Variants in LINGO2 observed in about 807,000 individuals in gnomAD.
LINGO2 encodes leucine rich repeat and Ig domain containing 2, also known as leucine-rich repeat and immunoglobulin-like domain-containing nogo receptor-interacting protein 2.
LINGO2 carries 14 observed loss-of-function variants against 30.6 expected under a neutral mutation model. The ratio of observed to expected loss-of-function variants is 0.46; its 90% confidence interval spans 0.30 to 0.72. The LOEUF (loss-of-function observed/expected upper bound fraction) is 0.72. Among genes scored for constraint, LINGO2 ranks in the 30% least tolerant of loss-of-function variants. LINGO2 has a pLI of 0.07. For missense variants in LINGO2, 729 were observed against 751.7 expected (o/e 0.97, Z 0.35); for synonymous variants, 317 against 288.5 (o/e 1.10, Z -1.00).
the LINGO2 span, among the ~76,000 whole-genome samples, chr9:29,016,036 T>C: frequency 6.6e-6 from 1 of 152,184 alleles, no homozygotes; most frequent in Non-Finnish European, 1.5e-5. Context: ...TCCTTAATAT[T>C]GTGCCTTGCT....
intron 4 of LINGO2, among the ~76,000 whole-genome samples, chr9:28,169,812 A>G (rs867431132): frequency 6.6e-6 from 1 of 152,330 alleles, no homozygotes; most frequent in Middle Eastern, 3.4e-3. Context: ...GAGAAAGAGT[A>G]GCTTAAACTT....
At chr9:29,170,178 T>A in the LINGO2 span, among the ~76,000 whole-genome samples, 2 of 152,112 alleles carry the variant, frequency 1.3e-5, no homozygotes, top group African/African-American at 4.8e-5. Flanking sequence ...CTATTCACAA[T>A]AACAAAGTCA....
intron 2 of LINGO2, among the ~76,000 whole-genome samples, chr9:28,420,494 A>G (rs1005569796): frequency 7.9e-5 from 12 of 152,182 alleles, no homozygotes; most frequent in African/African-American, 2.9e-4. Context: ...CATCTATTGT[A>G]CAAACACATT....
chr9:28,587,980 G>A (rs556180638), intron 1 of LINGO2, among the ~76,000 whole-genome samples: 18 of 152,070 alleles, frequency 1.2e-4, no homozygotes, highest in Non-Finnish European at 2.4e-4. Flanking sequence ...GGCTGGCCAC[G>A]TATCCATGGA....
chr9:28,636,045 C>A (rs823767), intron 1 of LINGO2, among the ~76,000 whole-genome samples: 151,254 of 152,114 alleles, frequency 0.99, 75,203 homozygotes, highest in East Asian at 1. Context: ...TCATTGTTCA[C>A]TTCCCACCTA....
chr9:29,065,623 A>G, the LINGO2 span, among the ~76,000 whole-genome samples: 1 of 151,958 alleles, frequency 6.6e-6, no homozygotes, highest in Non-Finnish European at 1.5e-5. Context: ...TTACATGACT[A>G]GTTAATACAG....
At chr9:29,104,759 A>T in the LINGO2 span, among the ~76,000 whole-genome samples, 474 of 152,294 alleles carry the variant, frequency 3.1e-3, 12 homozygotes, top group Admixed American at 0.028. Flanking sequence ...TCTACATCTT[A>T]AAAACTTCTA....
At chr9:29,079,921 AC>A in the LINGO2 span, among the ~76,000 whole-genome samples, 1 of 152,236 alleles carries the variant, frequency 6.6e-6, no homozygotes, top group Admixed American at 6.6e-5. Context: ...GTAATAAACA[AC>A]TTACAAACAT....
intron 2 of LINGO2, among the ~76,000 whole-genome samples, chr9:28,438,932 A>T (rs1046375701): frequency 1.3e-4 from 17 of 128,500 alleles, no homozygotes; most frequent in Non-Finnish European, 2.1e-4. Flanking sequence ...ATATCTATAC[A>T]TTATATATAA....
intron 5 of LINGO2, among the ~76,000 whole-genome samples, chr9:27,958,781 T>C (rs1394955117): frequency 6.6e-6 from 1 of 152,160 alleles, no homozygotes; most frequent in Non-Finnish European, 1.5e-5. Flanking sequence ...GGGGGACTAC[T>C]GCAATACAGT....
chr9:28,307,653 G>T (rs1809400734), intron 3 of LINGO2, among the ~76,000 whole-genome samples: 1 of 152,262 alleles, frequency 6.6e-6, no homozygotes, highest in East Asian at 1.9e-4. Context: ...CCTGTTTGCA[G>T]ATGACATGAT....
At chr9:29,091,695 G>A in the LINGO2 span, among the ~76,000 whole-genome samples, 3 of 151,944 alleles carry the variant, frequency 2.0e-5, no homozygotes, top group Admixed American at 2.0e-4. Context: ...AGAAATTACT[G>A]TTCTCCCCAA....
At chr9:29,015,470 C>G in the LINGO2 span, among the ~76,000 whole-genome samples, 1 of 152,056 alleles carries the variant, frequency 6.6e-6, no homozygotes, top group African/African-American at 2.4e-5. Context: ...TACAACCACT[C>G]AATTCAGCCA....
At chr9:28,264,224 G>T (rs1458687806) in intron 4 of LINGO2, among the ~76,000 whole-genome samples, 1 of 151,622 alleles carries the variant, frequency 6.6e-6, no homozygotes, top group Admixed American at 6.6e-5. Context: ...CATATTTTTC[G>T]CTACGCCCTC....
intron 3 of LINGO2, among the ~76,000 whole-genome samples, chr9:28,350,464 T>C (rs1385103732): frequency 6.7e-6 from 1 of 149,396 alleles, no homozygotes; most frequent in East Asian, 2.0e-4. Context: ...CCTAAATATA[T>C]ATGCACCCAA....
chr9:28,506,279 G>A lies in LINGO2; in HGVS notation c.-364-30254C>T, dbSNP rs191645100. On this transcript the variant is annotated intron_variant, in intron 1 of 5. Coordinates refer to ENST00000379992, the Ensembl canonical transcript of LINGO2. Reference sequence around the variant, plus strand: ...CTCAAGTTCTTCATTTGTAAGATGTGAATATTATACTCTATTTGACGATGT... The same window carrying A: ...CTCAAGTTCTTCATTTGTAAGATGTAAATATTATACTCTATTTGACGATGT... Among the ~76,000 whole-genome samples the A allele has an allele frequency of 2.8e-4, 42 of 150,796 alleles. No individual in the cohort carries two copies. In the East Asian group the frequency reaches 3.9e-3, roughly 14 times the overall value.
At chr9:29,002,561 G>A in the LINGO2 span, among the ~76,000 whole-genome samples, 4 of 152,104 alleles carry the variant, frequency 2.6e-5, no homozygotes, top group East Asian at 1.9e-4. Flanking sequence ...GATATAGCTC[G>A]TAACACTTTG....
the LINGO2 span, among the ~76,000 whole-genome samples, chr9:28,806,284 C>A: frequency 6.6e-6 from 1 of 152,138 alleles, no homozygotes; most frequent in African/African-American, 2.4e-5. Context: ...TAAAAATAAA[C>A]CACAAAGATA....
At chr9:28,793,497 C>T in the LINGO2 span, among the ~76,000 whole-genome samples, 1 of 152,152 alleles carries the variant, frequency 6.6e-6, no homozygotes, top group South Asian at 2.1e-4. Flanking sequence ...CAGTGCAACT[C>T]CTAAATTTTA....
Sources: allele counts gnomAD v4.1 joint callset (sites outside exome capture counted in the v4.1 genomes callset), GRCh38; gene constraint gnomAD v4.1.1; transcripts MANE v1.5; gene names NCBI Gene and HGNC (gene_info 2026-07-23, HGNC 2026-07-21).